Variants in MTARC2 observed in about 807,000 individuals in gnomAD.
MTARC2 encodes the protein mitochondrial amidoxime reducing component 2.
MTARC2 carries 27 observed loss-of-function variants against 35.6 expected under a neutral mutation model. That is an observed-to-expected ratio of 0.76 (90% CI 0.56 to 1.04). MTARC2 has a LOEUF of 1.04. Ranked by LOEUF, MTARC2 falls within the 50% of genes least tolerant of loss-of-function variation. The pLI is 0.00. For missense variants in MTARC2, 412 were observed against 432.5 expected, an observed-to-expected ratio of 0.95 and a Z score of 0.42; for synonymous variants, 158 against 167.1, an observed-to-expected ratio of 0.95 and a Z score of 0.42.
chr1:220,750,402 C>T (rs1057437743), intron 1 of MTARC2, among the ~76,000 whole-genome samples: 4 of 152,160 alleles, frequency 2.6e-5, no homozygotes, highest in African/African-American at 9.7e-5. Context: ...TTCTAATCTG[C>T]GTTTCCTCTG....
intron 4 of MTARC2, among the ~76,000 whole-genome samples, chr1:220,774,301 C>A (rs1671831303): frequency 6.6e-6 from 1 of 151,942 alleles, no homozygotes; most frequent in Non-Finnish European, 1.5e-5. Flanking sequence ...TTTTTTAATA[C>A]CCGAATAATG....
chr1:220,748,969 G>A (rs1444223998), intron 1 of MTARC2, among the ~76,000 whole-genome samples, 166 bp downstream of exon 1: 1 of 152,190 alleles, frequency 6.6e-6, no homozygotes, highest in Non-Finnish European at 1.5e-5. Flanking sequence ...CCAAGTTCAT[G>A]CCAGGTTTAT....
chr1:220,778,265 A>AAAAAAAG (rs1553254993), intron 4 of MTARC2, among the ~76,000 whole-genome samples: 2 of 138,502 alleles, frequency 1.4e-5, no homozygotes, highest in Non-Finnish European at 1.5e-5. Context: ...AAAAAAAAAA[A>AAAAAAAG]AAAGAAAGAA....
intron 4 of MTARC2, among the ~76,000 whole-genome samples, chr1:220,773,398 G>A (rs552352483): frequency 6.6e-6 from 1 of 152,280 alleles, no homozygotes; most frequent in South Asian, 2.1e-4. Flanking sequence ...CATTTCCATT[G>A]GGCTGTTCCT....
At chr1:220,767,984 T>C (rs1671627975) in intron 4 of MTARC2, among the ~76,000 whole-genome samples, 1 of 152,244 alleles carries the variant, frequency 6.6e-6, no homozygotes, top group Non-Finnish European at 1.5e-5. Flanking sequence ...GTCCGTTTTC[T>C]GGTGTAAGAA....
intron 2 of MTARC2, among the ~76,000 whole-genome samples, chr1:220,757,932 G>T (rs979885051): frequency 2.6e-5 from 4 of 152,070 alleles, no homozygotes; most frequent in Admixed American, 2.6e-4. Flanking sequence ...ACAGACATTT[G>T]GACAAGGCTG....
chr1:220,779,992 A>C (rs1672021947), intron 4 of MTARC2, 26 bp from the exon 5 acceptor site: 1 of 1,515,956 alleles, frequency 6.6e-7, no homozygotes, highest in Non-Finnish European at 8.8e-7. Flanking sequence ...CCACCATTTA[A>C]AAGATAACTT....
intron 7 of MTARC2, among the ~76,000 whole-genome samples, chr1:220,783,372 A>C (rs912471772): frequency 2.6e-5 from 4 of 152,216 alleles, no homozygotes; most frequent in African/African-American, 4.8e-5. Context: ...AGTGGACCCA[A>C]GCCTGAGCCA....
chr1:220,761,265 G>A (rs1671427993), intron 2 of MTARC2, among the ~76,000 whole-genome samples: 2 of 152,356 alleles, frequency 1.3e-5, no homozygotes, highest in South Asian at 2.1e-4. Context: ...ACCCAGGTCT[G>A]TTGGATTCTA....
At chr1:220,771,296 C>CAAA (rs57776178) in intron 4 of MTARC2, among the ~76,000 whole-genome samples, 1,075 of 56,938 alleles carry the variant, frequency 0.019, 104 homozygotes, top group Admixed American at 0.035. Flanking sequence ...GAGACTGTCT[C>CAAA]AAAAAAAAAA....
chr1:220,768,545 A>G (rs970398902), intron 4 of MTARC2, among the ~76,000 whole-genome samples: 2 of 152,166 alleles, frequency 1.3e-5, no homozygotes, highest in African/African-American at 4.8e-5. Context: ...GTCCCTGAAT[A>G]TCAGCCAACT....
intron 2 of MTARC2, among the ~76,000 whole-genome samples, chr1:220,760,112 G>T (rs337141): frequency 0.045 from 6,799 of 152,178 alleles, 402 homozygotes; most frequent in African/African-American, 0.13. Context: ...CAAGTTCTCC[G>T]GTCTCACCAT....
chr1:220,758,085 A>G (rs1181507978), intron 2 of MTARC2, among the ~76,000 whole-genome samples: 1 of 152,086 alleles, frequency 6.6e-6, no homozygotes. Flanking sequence ...CCTGGGTTCA[A>G]GTGATTCTCC....
chr1:220,780,982 C>T (rs1672056028), intron 6 of MTARC2, among the ~76,000 whole-genome samples: 1 of 130,376 alleles, frequency 7.7e-6, no homozygotes, highest in Non-Finnish European at 1.6e-5. Flanking sequence ...AGCTTTTTTA[C>T]CAAGGAGCTT....
At chr1:220,763,170 G>T in intron 4 of MTARC2, 120 bp downstream of exon 4, 1 of 1,368,350 alleles carries the variant, frequency 7.3e-7, no homozygotes, top group Non-Finnish European at 1.0e-6. Flanking sequence ...ACTCATTGCT[G>T]CTGCCATCAC....
chr1:220,779,209 TTATA>T (rs1190818840), intron 4 of MTARC2, among the ~76,000 whole-genome samples: 1 of 152,118 alleles, frequency 6.6e-6, no homozygotes, highest in Non-Finnish European at 1.5e-5. Context: ...ACAAATCATA[TTATA>T]TATATAATAC....
intron 4 of MTARC2, among the ~76,000 whole-genome samples, chr1:220,774,550 G>A (rs1434720158): frequency 1.3e-5 from 2 of 152,240 alleles, no homozygotes; most frequent in Non-Finnish European, 2.9e-5. Flanking sequence ...AGCAGTGAAA[G>A]TGAGGCGCCA....
At chr1:220,770,529 A>G (rs1671714694) in intron 4 of MTARC2, 1 of 985,304 alleles carries the variant, frequency 1.0e-6, no homozygotes, top group Non-Finnish European at 1.2e-6. Context: ...TCAAATACAG[A>G]TGTTGGAGTA....
At chr1:220,754,000 G>A (rs1273290494) in intron 1 of MTARC2, among the ~76,000 whole-genome samples, 1 of 152,178 alleles carries the variant, frequency 6.6e-6, no homozygotes, top group African/African-American at 2.4e-5. Context: ...CAGTGAGCTA[G>A]ACTGTACCAC....
Sources: gnomAD v4.1 joint callset for allele counts (sites outside exome capture counted in the v4.1 genomes callset) on GRCh38, gnomAD v4.1.1 for gene constraint, MANE v1.5 for transcripts, NCBI Gene and HGNC (gene_info 2026-07-23, HGNC 2026-07-21) for gene names.